The following CFAP299 variants were observed in gnomAD, a reference collection of about 807,000 sequenced individuals.
CFAP299 encodes the protein cilia- and flagella-associated protein 299.
CFAP299 carries 21 observed loss-of-function variants against 27.0 expected under a neutral mutation model. The ratio of observed to expected loss-of-function variants is 0.78; its 90% CI spans 0.55 to 1.12. The LOEUF (loss-of-function observed/expected upper bound fraction) is 1.12. Ranked by LOEUF, CFAP299 falls within the 50% of genes most tolerant of loss-of-function variation. The pLI, the probability that CFAP299 is intolerant of heterozygous loss-of-function variation, is 0.00. For synonymous variants in CFAP299, 104 were observed against 98.1 expected, an observed-to-expected ratio of 1.06 and a Z score of -0.36; for missense variants, 310 against 276.6, an observed-to-expected ratio of 1.12 and a Z score of -0.86.
intron 3 of CFAP299, among the ~76,000 whole-genome samples, chr4:80,780,354 AT>A (rs1392900281): frequency 6.6e-6 from 1 of 152,080 alleles, no homozygotes; most frequent in Admixed American, 6.6e-5. Context: ...TTTGAAAGGC[AT>A]TGCCACTTTC....
chr4:80,494,837 A>G (rs1379803767), intron 2 of CFAP299, among the ~76,000 whole-genome samples: 2 of 152,324 alleles, frequency 1.3e-5, no homozygotes, highest in African/African-American at 4.8e-5. Flanking sequence ...CAATGGGGGT[A>G]TAAACATTCC....
intron 2 of CFAP299, among the ~76,000 whole-genome samples, chr4:80,567,267 C>T (rs7666589): frequency 0.3 from 44,863 of 151,898 alleles, 9,851 homozygotes; most frequent in African/African-American, 0.61. Context: ...TAAAAAAAGA[C>T]GGGGAAAGTG....
At chr4:80,933,763 C>A (rs1280360422) in intron 4 of CFAP299, among the ~76,000 whole-genome samples, 1 of 151,856 alleles carries the variant, frequency 6.6e-6, no homozygotes, top group Non-Finnish European at 1.5e-5. Flanking sequence ...TGCAACAGAA[C>A]TTTTATTATT....
chr4:80,833,911 G>C (rs1418063666), intron 3 of CFAP299, among the ~76,000 whole-genome samples: 1 of 152,162 alleles, frequency 6.6e-6, no homozygotes, highest in Admixed American at 6.6e-5. Context: ...CCAGAGTAAA[G>C]TAAGAAATGG....
At chr4:80,609,050 G>A (rs928098788) in intron 3 of CFAP299, among the ~76,000 whole-genome samples, 1 of 152,006 alleles carries the variant, frequency 6.6e-6, no homozygotes, top group African/African-American at 2.4e-5. Context: ...GTTTGAGACT[G>A]TTAAGTCAAG....
At chr4:80,603,239 A>AAC (rs1737457876) in intron 3 of CFAP299, among the ~76,000 whole-genome samples, 1 of 152,206 alleles carries the variant, frequency 6.6e-6, no homozygotes, top group Non-Finnish European at 1.5e-5. Context: ...GACATACTAT[A>AAC]ACATATTTCT....
intron 3 of CFAP299, among the ~76,000 whole-genome samples, chr4:80,780,105 T>C (rs1385622193): frequency 6.6e-6 from 1 of 152,000 alleles, no homozygotes; most frequent in Non-Finnish European, 1.5e-5. Flanking sequence ...CTTTTATTCC[T>C]TGTCTGGAAT....
chr4:80,918,856 G>A (rs532007750), intron 4 of CFAP299, among the ~76,000 whole-genome samples: 13 of 152,142 alleles, frequency 8.5e-5, no homozygotes, highest in African/African-American at 2.9e-4. Context: ...CAGAAGTTCC[G>A]GGTTCAGGGA....
chr4:80,538,898 A>G (rs1421237802), intron 2 of CFAP299, among the ~76,000 whole-genome samples: 2 of 152,204 alleles, frequency 1.3e-5, no homozygotes, highest in East Asian at 3.8e-4. Context: ...TCTCAGATTA[A>G]GCTACTTTAA....
intron 2 of CFAP299, among the ~76,000 whole-genome samples, chr4:80,419,396 C>A (rs1459044062): frequency 6.6e-6 from 1 of 152,184 alleles, no homozygotes; most frequent in Non-Finnish European, 1.5e-5. Flanking sequence ...GAATCGTCCT[C>A]ATGCTCACTT....
chr4:80,444,354 G>A (rs1208923649), intron 2 of CFAP299, among the ~76,000 whole-genome samples: 2 of 152,142 alleles, frequency 1.3e-5, no homozygotes, highest in Non-Finnish European at 2.9e-5. Context: ...GAACAGAACA[G>A]AAGCCTCAGA....
chr4:80,962,545 T>C (rs1027520201), intron 5 of CFAP299, among the ~76,000 whole-genome samples: 14 of 151,718 alleles, frequency 9.2e-5, no homozygotes, highest in Admixed American at 8.5e-4. Flanking sequence ...ACTTAAAGTA[T>C]AATAATAATA....
At chr4:80,575,085 G>T (rs1425104398) in intron 2 of CFAP299, among the ~76,000 whole-genome samples, 1 of 151,972 alleles carries the variant, frequency 6.6e-6, no homozygotes, top group Non-Finnish European at 1.5e-5. Flanking sequence ...TAAAGTCATT[G>T]GGTCCCAGAC....
intron 2 of CFAP299, among the ~76,000 whole-genome samples, chr4:80,460,641 G>T (rs1729391319): frequency 6.6e-6 from 1 of 152,048 alleles, no homozygotes; most frequent in South Asian, 2.1e-4. Context: ...ATATTCTGTT[G>T]TGTTTAACCA....
intron 3 of CFAP299, among the ~76,000 whole-genome samples, chr4:80,775,747 C>T (rs1480780835): frequency 2.0e-5 from 3 of 152,002 alleles, no homozygotes; most frequent in South Asian, 4.1e-4. Flanking sequence ...AACTGACCAT[C>T]CAAATAAAAC....
intron 2 of CFAP299, among the ~76,000 whole-genome samples, chr4:80,499,666 A>T (rs990865656): frequency 6.6e-6 from 1 of 152,180 alleles, no homozygotes; most frequent in South Asian, 2.1e-4. Flanking sequence ...ATTCATTTTC[A>T]GTATTTTTTG....
intron 2 of CFAP299, among the ~76,000 whole-genome samples, chr4:80,376,200 A>G (rs1308721166): frequency 1.3e-5 from 2 of 152,108 alleles, no homozygotes; most frequent in African/African-American, 4.8e-5. Context: ...TTCACTAATC[A>G]TAAAGCTTTT....
intron 4 of CFAP299, among the ~76,000 whole-genome samples, chr4:80,909,468 CAT>C: frequency 6.6e-6 from 1 of 151,876 alleles, no homozygotes; most frequent in South Asian, 2.1e-4. Flanking sequence ...ATATTAATAA[CAT>C]ATAATTTGAG....
chr4:80,480,323 C>T (rs1730496637), intron 2 of CFAP299, among the ~76,000 whole-genome samples: 1 of 151,696 alleles, frequency 6.6e-6, no homozygotes, highest in Non-Finnish European at 1.5e-5. Context: ...TCAGGTAACT[C>T]CAAACCAGAA....
Sources: gnomAD v4.1 joint callset for allele counts (sites outside exome capture counted in the v4.1 genomes callset) on GRCh38, gnomAD v4.1.1 for gene constraint, MANE v1.5 for transcripts, NCBI Gene and HGNC (gene_info 2026-07-23, HGNC 2026-07-21) for gene names.